NAV2: variants seen among roughly 807,000 people sequenced by gnomAD.
NAV2 encodes helicase, APC down-regulated 1.
Under a neutral mutation model 223.2 loss-of-function variants are expected in NAV2, and 54 were observed. The observed-to-expected ratio is 0.24, with a 90% CI of 0.19 to 0.30. The LOEUF is 0.30. Among genes scored for constraint, NAV2 ranks in the 10% least tolerant of loss-of-function variants. The pLI is 1.00. For missense variants in NAV2, 2,806 were observed against 3,147.5 expected (o/e 0.89, Z 2.60); for synonymous variants, 1,279 against 1,239.3 (o/e 1.03, Z -0.67).
At chr11:19,615,974 A>T (rs2046776916) in intron 1 of NAV2, among the ~76,000 whole-genome samples, 1 of 152,040 alleles carries the variant, frequency 6.6e-6, no homozygotes, top group Admixed American at 6.6e-5. Flanking sequence ...CTGCCTCCCC[A>T]TCATCATGCT....
chr11:19,615,289 C>A (rs1029360917), intron 1 of NAV2, among the ~76,000 whole-genome samples: 1 of 151,798 alleles, frequency 6.6e-6, no homozygotes, highest in Non-Finnish European at 1.5e-5. Flanking sequence ...CATATTCAAA[C>A]TCCTCTATTT....
chr11:19,964,976 C>T (rs992760997), intron 10 of NAV2, among the ~76,000 whole-genome samples: 8 of 151,966 alleles, frequency 5.3e-5, no homozygotes, highest in South Asian at 2.1e-4. Context: ...CGTGCCACCA[C>T]GCCTGGCTAA....
At chr11:19,828,353 C>A (rs907299650) in intron 1 of NAV2, among the ~76,000 whole-genome samples, 1 of 152,192 alleles carries the variant, frequency 6.6e-6, no homozygotes, top group Non-Finnish European at 1.5e-5. Context: ...CCCTTTCCTC[C>A]CTCTGCCCAG....
Position 20,043,966 on chromosome 11 carries a change from A to G in NAV2, c.2908-15A>G. The G allele has an allele frequency of 6.2e-7, 1 of 1,605,234 alleles. No individual in the cohort carries two copies. The highest frequency in any genetic ancestry group is 8.5e-7 in the Non-Finnish European group (1 of 1,172,606). ...GGACTGGGGAAGGACTAATTCAGAG[A>G]GTCTCTGTCCACAGACTGATGCTGA... On this transcript the variant is annotated splice_polypyrimidine_tract_variant and intron_variant, in intron 12 of 37. Transcript: ENST00000349880.
intron 22 of NAV2, among the ~76,000 whole-genome samples, chr11:20,076,510 T>C (rs1259993830): frequency 6.6e-6 from 1 of 152,258 alleles, no homozygotes; most frequent in Non-Finnish European, 1.5e-5. Context: ...AGATCCTAGC[T>C]GCCTAATGGC....
intron 1 of NAV2, among the ~76,000 whole-genome samples, chr11:19,400,448 C>G (rs1564907221): frequency 6.6e-6 from 1 of 152,308 alleles, no homozygotes; most frequent in East Asian, 1.9e-4. Flanking sequence ...ATCGGTCCCT[C>G]TTAGCAGCCA....
chr11:19,776,632 ATGTGTGTGTGTGTGTGTGTG>A (rs71050685), intron 1 of NAV2, among the ~76,000 whole-genome samples: 1 of 64,616 alleles, frequency 1.5e-5, no homozygotes, highest in South Asian at 6.4e-4. Flanking sequence ...GGGTCAGAAA[ATGTGTGTGTGTGTGTGTGTG>A]TGTGTGTGTG....
intron 3 of NAV2, among the ~76,000 whole-genome samples, chr11:19,849,569 G>T (rs1285878134): frequency 6.6e-6 from 1 of 152,232 alleles, no homozygotes; most frequent in Non-Finnish European, 1.5e-5. Context: ...AGTGGGATCA[G>T]ATTTCCAGGC....
At chr11:19,680,061 T>A (rs1397977387) in intron 1 of NAV2, among the ~76,000 whole-genome samples, 2 of 152,078 alleles carry the variant, frequency 1.3e-5, no homozygotes, top group Non-Finnish European at 2.9e-5. Flanking sequence ...GTGGGGTTCT[T>A]GAATGAGAAT....
At chr11:20,096,619 CTAACT>C (rs1393802109) in intron 30 of NAV2, among the ~76,000 whole-genome samples, 4 of 152,156 alleles carry the variant, frequency 2.6e-5, no homozygotes, top group Admixed American at 2.0e-4. Flanking sequence ...ACTTCAAAAC[CTAACT>C]TAACTATTAT....
intron 1 of NAV2, among the ~76,000 whole-genome samples, chr11:19,696,572 A>G (rs2049348179): frequency 6.6e-6 from 1 of 152,228 alleles, no homozygotes; most frequent in Non-Finnish European, 1.5e-5. Flanking sequence ...CAGCCAGCAT[A>G]ACATCTTGAT....
chr11:19,767,766 A>G (rs1456115292), intron 1 of NAV2, among the ~76,000 whole-genome samples: 1 of 152,218 alleles, frequency 6.6e-6, no homozygotes, highest in African/African-American at 2.4e-5. Flanking sequence ...CATATTTTCC[A>G]GGGAAGACCA....
At chr11:19,917,738 A>G (rs1401620652) in intron 6 of NAV2, among the ~76,000 whole-genome samples, 1 of 152,074 alleles carries the variant, frequency 6.6e-6, no homozygotes, top group Non-Finnish European at 1.5e-5. Context: ...TCAGCCTCCC[A>G]TGTAGCTGGG....
At chr11:19,722,352 C>G (rs1434586724) in intron 1 of NAV2, among the ~76,000 whole-genome samples, 1 of 152,142 alleles carries the variant, frequency 6.6e-6, no homozygotes, top group East Asian at 1.9e-4. Context: ...TGACTGAGCC[C>G]TGCTGGTCTA....
intron 1 of NAV2, among the ~76,000 whole-genome samples, chr11:19,776,676 G>GTGT (rs61624701): frequency 9.5e-5 from 14 of 147,760 alleles, no homozygotes; most frequent in African/African-American, 1.3e-4. Flanking sequence ...GTGTGTGTGT[G>GTGT]GTTAGAGTTG....
At chr11:19,441,910 T>C (rs1204405765) in intron 1 of NAV2, among the ~76,000 whole-genome samples, 1 of 152,232 alleles carries the variant, frequency 6.6e-6, no homozygotes, top group East Asian at 1.9e-4. Context: ...ACCTGGTCCT[T>C]ATCTATTTTT....
intron 10 of NAV2, among the ~76,000 whole-genome samples, chr11:19,973,163 G>A (rs545778506): frequency 6.6e-6 from 1 of 152,280 alleles, no homozygotes; most frequent in South Asian, 2.1e-4. Flanking sequence ...AAGCCAAAGT[G>A]CCAGCTGATT....
chr11:19,410,797 T>G (rs1850112913), intron 1 of NAV2, among the ~76,000 whole-genome samples: 1 of 152,194 alleles, frequency 6.6e-6, no homozygotes, highest in African/African-American at 2.4e-5. Context: ...ATATACTTGT[T>G]TGCAGTTTTG....
intron 1 of NAV2, among the ~76,000 whole-genome samples, chr11:19,693,159 C>A (rs1012386316): frequency 1.3e-5 from 2 of 152,256 alleles, no homozygotes; most frequent in Non-Finnish European, 2.9e-5. Context: ...CCACCTCTGC[C>A]AGGGCCCTTG....
Sources: gnomAD v4.1 joint callset for allele counts (sites outside exome capture counted in the v4.1 genomes callset) on GRCh38, gnomAD v4.1.1 for gene constraint, MANE v1.5 for transcripts, NCBI Gene and HGNC (gene_info 2026-07-23, HGNC 2026-07-21) for gene names.